EHBP1: variants seen among roughly 807,000 people sequenced by gnomAD.
EHBP1 encodes EH domain-binding protein 1.
In EHBP1, 55 loss-of-function variants were observed where a neutral mutation model predicts 144.0. That is an observed-to-expected ratio of 0.38 (90% CI 0.31 to 0.48). The LOEUF is 0.48. Ranked by LOEUF, EHBP1 falls within the 20% of genes least tolerant of loss-of-function variation. EHBP1 has a pLI of 0.98. For synonymous variants in EHBP1, 469 were observed against 472.7 expected (o/e 0.99, Z 0.10); for missense variants, 1,200 against 1,364.2 (o/e 0.88, Z 1.90).
chr2:62,937,784 G>A (rs2056477699), intron 10 of EHBP1, among the ~76,000 whole-genome samples: 2 of 152,118 alleles, frequency 1.3e-5, no homozygotes, highest in Non-Finnish European at 2.9e-5. Flanking sequence ...AGGATGGTGA[G>A]TAATACTAGA....
intron 8 of EHBP1, among the ~76,000 whole-genome samples, chr2:62,861,326 C>A (rs1233113132): frequency 1.3e-5 from 2 of 151,324 alleles, no homozygotes; most frequent in African/African-American, 4.8e-5. Flanking sequence ...GATGAGGTTT[C>A]GCCATGTCGG....
chr2:62,906,798 A>G (rs2053845502), intron 10 of EHBP1, among the ~76,000 whole-genome samples: 1 of 152,200 alleles, frequency 6.6e-6, no homozygotes, highest in Admixed American at 6.5e-5. Context: ...CCACTAATCC[A>G]CTTCTATAGT....
chr2:62,855,976 G>C lies in EHBP1; in HGVS notation c.635-3193G>C, dbSNP rs760122323. On this transcript the variant is annotated intron_variant, in intron 7 of 22. Transcript: ENST00000431489. ...CTGCAGAGAAGAGCTTCCCACTCCA[G>C]GGTCTCCTCCCTGCTAGGAGCTGAA... Among the ~76,000 whole-genome samples, 93 of 152,198 alleles carry C rather than the reference G, an allele frequency of 6.1e-4. 1 individual carries two copies. The highest frequency in any genetic ancestry group is 6.8e-3 in the Middle Eastern group (2 of 294).
At chr2:62,758,910 A>AT in intron 3 of EHBP1, among the ~76,000 whole-genome samples, 1 of 152,364 alleles carries the variant, frequency 6.6e-6, no homozygotes, top group South Asian at 2.1e-4. Context: ...AGTTTTAAAA[A>AT]TTGAAAATTG....
At chr2:63,039,966 G>T (rs2061591748) in intron 21 of EHBP1, among the ~76,000 whole-genome samples, 1 of 151,928 alleles carries the variant, frequency 6.6e-6, no homozygotes. Context: ...CATTGATAAT[G>T]ACTATAAAAT....
At chr2:62,900,703 T>TATATATATATATA (rs1558881616) in intron 10 of EHBP1, among the ~76,000 whole-genome samples, 2 of 150,466 alleles carry the variant, frequency 1.3e-5, no homozygotes, top group Admixed American at 6.6e-5. Flanking sequence ...TATATATATA[T>TATATATATATATA]TTTCTTTCTC....
chr2:62,678,557 T>C (rs759363285), intron 1 of EHBP1, among the ~76,000 whole-genome samples: 2 of 152,216 alleles, frequency 1.3e-5, no homozygotes, highest in Non-Finnish European at 2.9e-5. Context: ...ATTAGTACTT[T>C]AGAGTTTATA....
intron 2 of EHBP1, among the ~76,000 whole-genome samples, chr2:62,722,359 G>A (rs770815073): frequency 6.6e-6 from 1 of 151,824 alleles, no homozygotes; most frequent in Non-Finnish European, 1.5e-5. Flanking sequence ...TCTCGATCTC[G>A]TGATCCACCT....
intron 5 of EHBP1, among the ~76,000 whole-genome samples, chr2:62,806,734 T>A (rs1242782772): frequency 2.0e-5 from 3 of 152,096 alleles, no homozygotes; most frequent in Admixed American, 6.5e-5. Context: ...TTTTTTTTTT[T>A]AATTTTAGTT....
At chr2:62,716,087 T>C (rs2035645946) in intron 2 of EHBP1, among the ~76,000 whole-genome samples, 1 of 152,182 alleles carries the variant, frequency 6.6e-6, no homozygotes, top group East Asian at 1.9e-4. Flanking sequence ...CATAAATGCA[T>C]GGTTTCTTTC....
At chr2:62,949,921 C>T (rs996804463) in intron 13 of EHBP1, among the ~76,000 whole-genome samples, 1 of 152,018 alleles carries the variant, frequency 6.6e-6, no homozygotes, top group African/African-American at 2.4e-5. Flanking sequence ...AGTTATGATA[C>T]CTGGTTTTCC....
intron 9 of EHBP1, among the ~76,000 whole-genome samples, chr2:62,872,835 A>G (rs2050595516): frequency 6.6e-6 from 1 of 152,178 alleles, no homozygotes; most frequent in African/African-American, 2.4e-5. Context: ...ATTTCACCTA[A>G]ATGGAAACAT....
At chr2:62,851,463 C>G (rs1479576224) in intron 7 of EHBP1, among the ~76,000 whole-genome samples, 4 of 152,166 alleles carry the variant, frequency 2.6e-5, no homozygotes, top group African/African-American at 9.7e-5. Flanking sequence ...CCAGAAAGCC[C>G]TCCTAACCTC....
chr2:62,716,899 T>A (rs2035739812), intron 2 of EHBP1, among the ~76,000 whole-genome samples: 1 of 152,208 alleles, frequency 6.6e-6, no homozygotes, highest in African/African-American at 2.4e-5. Context: ...CTACAATTTA[T>A]GATGTTTCTC....
chr2:62,943,739 G>T (rs2056908199), intron 11 of EHBP1, 63 bp from the exon 12 acceptor site: 4 of 1,169,284 alleles, frequency 3.4e-6, no homozygotes, highest in African/African-American at 1.6e-5. Flanking sequence ...GATTCAGTTT[G>T]TTTTAAAAAC....
intron 9 of EHBP1, among the ~76,000 whole-genome samples, chr2:62,866,197 T>C (rs534397254): frequency 2.0e-5 from 3 of 152,266 alleles, no homozygotes; most frequent in African/African-American, 7.2e-5. Context: ...AAAGCTGTTC[T>C]AGGCCTACCT....
chr2:62,767,782 A>G (rs1301939219), intron 4 of EHBP1, among the ~76,000 whole-genome samples: 1 of 150,392 alleles, frequency 6.6e-6, no homozygotes, highest in Non-Finnish European at 1.5e-5. Context: ...GTTGCAGTGA[A>G]CCAAGATCAT....
chr2:62,674,617 T>C (rs554878474), intron 1 of EHBP1, among the ~76,000 whole-genome samples: 8 of 152,348 alleles, frequency 5.3e-5, no homozygotes, highest in African/African-American at 1.9e-4. Context: ...TTTTCTATGA[T>C]AAAACTTTAA....
chr2:62,779,494 A>G (rs751576019), intron 5 of EHBP1, among the ~76,000 whole-genome samples: 1 of 152,204 alleles, frequency 6.6e-6, no homozygotes, highest in Non-Finnish European at 1.5e-5. Flanking sequence ...GCTGAATGGC[A>G]AGAAAATTCA....
Sources: allele counts gnomAD v4.1 joint callset (sites outside exome capture counted in the v4.1 genomes callset), GRCh38; gene constraint gnomAD v4.1.1; transcripts MANE v1.5; gene names NCBI Gene and HGNC (gene_info 2026-07-23, HGNC 2026-07-21).